MEAK7: variants seen among roughly 807,000 people sequenced by gnomAD.
MEAK7 encodes the protein MTOR associated protein MEAK7, also known as MTOR-associated protein MEAK7.
MEAK7 carries 68 observed loss-of-function variants against 40.5 expected under a neutral mutation model. The observed-to-expected ratio is 1.68, with a 90% CI of 1.38 to 2.06. The LOEUF (loss-of-function observed/expected upper bound fraction) is 2.06. MEAK7 is among the 30% of genes most tolerant of loss of function. The pLI is 0.00. For missense variants in MEAK7, 918 were observed against 580.5 expected, an observed-to-expected ratio of 1.58 and a Z score of -5.98; for synonymous variants, 338 against 231.9, an observed-to-expected ratio of 1.46 and a Z score of -4.16.
rs1484233980 is a variant in MEAK7, at chr16:84,476,521, C to G, written c.*3392G>C. The stretch of plus-strand genomic sequence containing the variant: ...ACAATTCCAATTCTAAGAGTTTATC[C>G]CACAGACACCATCACAGCAAGGCAC... On this transcript the variant is annotated 3_prime_UTR_variant, in exon 8 of 8. Transcript: ENST00000343629. The G allele has an allele frequency of 1.3e-5, 2 of 151,900 alleles. No individual in the cohort carries two copies. Among genetic ancestry groups the G allele is most frequent in the African/African-American group, 4.8e-5 (2 of 41,330 alleles). The allele number at this position is 151,900 out of a possible 1,614,324, so 9.4% of individuals were successfully genotyped here. A position where few individuals can be genotyped will look rare whatever the true frequency, so the allele number is the denominator to read the frequency against.
In MEAK7 at chr16:84,498,192, A is replaced by G; in HGVS notation, c.-25-81T>C. 4 of 1,468,744 alleles carry G rather than the reference A, an allele frequency of 2.7e-6. No individual in the cohort carries two copies. The East Asian group carries it at 6.9e-5, about 25-fold the overall frequency. 91.0% of individuals were successfully genotyped at this position (1,468,744 alleles called of 1,614,324 possible). On this transcript the variant is annotated intron_variant, in intron 1 of 7. Coordinates refer to ENST00000343629, the MANE Select transcript of MEAK7 (RefSeq NM_020947.4). ...ATAAATGTTGAGAATTATATGGTCA[A>G]GTTAATATATACTGATATAGCCACA...
chr16:84,503,342 A>C (rs1335740295), intron 1 of MEAK7, among the ~76,000 whole-genome samples: 1 of 152,156 alleles, frequency 6.6e-6, no homozygotes, highest in African/African-American at 2.4e-5. Context: ...GCCTGCCTTC[A>C]GTAACAAACT....
chr16:84,490,714 C>A (rs1405279154), intron 3 of MEAK7, among the ~76,000 whole-genome samples: 52 of 102,364 alleles, frequency 5.1e-4, no homozygotes, highest in Non-Finnish European at 7.0e-4. Context: ...GGACATAATG[C>A]CTTTTTGTCT....
At chr16:84,493,973 A>G (rs973367472) in intron 3 of MEAK7, among the ~76,000 whole-genome samples, 1 of 152,352 alleles carries the variant, frequency 6.6e-6, no homozygotes, top group East Asian at 1.9e-4. Flanking sequence ...CACCCAAGTC[A>G]CATGGGTATC....
chr16:84,487,300 G>A (rs1345532013), intron 4 of MEAK7: 1 of 499,978 alleles, frequency 2.0e-6, no homozygotes, highest in Non-Finnish European at 3.5e-6. Context: ...TTTCAAAATT[G>A]TATTTAGGAC....
intron 6 of MEAK7, among the ~76,000 whole-genome samples, 160 bp from the exon 7 acceptor site, chr16:84,480,868 C>G (rs928862417): frequency 6.6e-6 from 1 of 152,180 alleles, no homozygotes. Flanking sequence ...TGAAATATAT[C>G]AATTACTGCC....
intron 5 of MEAK7, among the ~76,000 whole-genome samples, chr16:84,485,160 G>T (rs1912923623): frequency 6.6e-6 from 1 of 152,226 alleles, no homozygotes; most frequent in Admixed American, 6.5e-5. Flanking sequence ...TGGGTGTGCA[G>T]AAGAGAGTGG....
chr16:84,483,567 A>C (rs1479570141), intron 5 of MEAK7, among the ~76,000 whole-genome samples: 1 of 152,254 alleles, frequency 6.6e-6, no homozygotes, highest in East Asian at 1.9e-4. Context: ...TGGGGGCACC[A>C]TGATGGAACG....
rs71151220 is a variant in MEAK7, at chr16:84,485,639, T to TATCTATCCATCC, written c.958+991_958+992insGGATGGATAGAT. ...GTAAACATTTCAAAAACTATCTATC[T>TATCTATCCATCC]ATCCATCCATCCATCCATCCATCCA... On this transcript the variant is annotated intron_variant, in intron 5 of 7. Coordinates refer to ENST00000343629, the MANE Select transcript of MEAK7 (RefSeq NM_020947.4). Among the ~76,000 whole-genome samples the TATCTATCCATCC allele has an allele frequency of 6.7e-4, 100 of 149,504 alleles. 2 individuals are homozygous for TATCTATCCATCC. The South Asian group carries it at 7.5e-3, about 11-fold the overall frequency.
rs367860178 is a variant in MEAK7 at position 84,486,875 on chromosome 16, C to G, written c.714G>C (p.Gln238His). 4.3e-6 allele frequency: 7 copies of G among 1,614,076 alleles called. No individual in the cohort carries two copies. The African/African-American group carries it at 5.3e-5, about 12-fold the overall frequency. ...CCAGGATGCTCTCAAAACCCCTGCC[C>G]TGGTCCACTTGACGCTCAGGGACCA... Reference protein sequence around the residue: ...TTLVPERQVDQGRGFESILDV... With the variant: ...TTLVPERQVDHGRGFESILDV... Residue 238 changes from glutamine to histidine, a missense_variant, in exon 5 of 8, where the codon CAG becomes CAC. Transcript: ENST00000343629.
intron 6 of MEAK7, among the ~76,000 whole-genome samples, chr16:84,481,735 C>T (rs572044768): frequency 1.5e-4 from 23 of 152,222 alleles, no homozygotes; most frequent in African/African-American, 5.5e-4. Context: ...AGATGGAGAC[C>T]ATCCTGGCTA....
In MEAK7 at chr16:84,486,748, G is replaced by C; in HGVS notation, c.841C>G (p.Gln281Glu). 2 of 1,614,038 alleles carry C rather than the reference G, an allele frequency of 1.2e-6. No individual in the cohort carries two copies. The highest frequency in any genetic ancestry group is 1.7e-6 in the Non-Finnish European group (2 of 1,179,890). ...CGGTGAGTGATGTGGCCACAGAGCT[G>C]GGAGAAGCTGTGTCCATGGAGCTCA... is the stretch of plus-strand genomic sequence containing the variant. ...SSELHGHSFS[Q>E]LCGHITHRGP... is the part of the protein sequence containing the mutation. The change falls in exon 5 of 8, where the codon CAG becomes GAG. Residue 281 changes from glutamine (Q) to glutamate (E), a missense_variant. Transcript: ENST00000343629.
intron 6 of MEAK7, 53 bp from the exon 7 acceptor site, chr16:84,480,761 G>T: frequency 6.5e-7 from 1 of 1,536,510 alleles, no homozygotes; most frequent in Non-Finnish European, 8.8e-7. Context: ...CAGGGTCTGT[G>T]GACATCAAAT....
intron 3 of MEAK7, among the ~76,000 whole-genome samples, chr16:84,489,748 C>G (rs1426634637): frequency 6.6e-6 from 1 of 152,088 alleles, no homozygotes; most frequent in Non-Finnish European, 1.5e-5. Context: ...CAGGAGCTAC[C>G]CCCTCCAGAA....
At position 84,478,930 on chromosome 16, in the gene MEAK7, T is replaced by C. The variant is rs1357402980; in HGVS notation, c.*983A>G. ...CCACTGATTTATGGAATGGACCATA[T>C]ACGTATTTATCAACCAAGTTCCCAA... On this transcript the variant is annotated 3_prime_UTR_variant, in exon 8 of 8. Transcript: ENST00000343629. 1 of 152,244 alleles carries C rather than the reference T, an allele frequency of 6.6e-6. No homozygotes were observed. Among genetic ancestry groups the C allele is most frequent in the Non-Finnish European group, 1.5e-5 (1 of 68,056 alleles). 9.4% of individuals were successfully genotyped at this position (152,244 alleles called of 1,614,324 possible).
intron 6 of MEAK7, among the ~76,000 whole-genome samples, chr16:84,481,037 AG>A (rs1430118124): frequency 1.4e-5 from 2 of 140,210 alleles, no homozygotes; most frequent in Non-Finnish European, 3.2e-5. Context: ...TCCAGGGCCC[AG>A]GGCCCCGCCC....
chr16:84,483,128 G>A (rs944924670), intron 5 of MEAK7, among the ~76,000 whole-genome samples: 2 of 152,224 alleles, frequency 1.3e-5, no homozygotes, highest in Admixed American at 6.5e-5. Flanking sequence ...GCTGCGTAGT[G>A]CTGACCCCGG....
chr16:84,480,595 A>T lies in MEAK7; in HGVS notation c.1191T>A (p.Ala397=), dbSNP rs912434636. Residue 397 remains alanine, a synonymous_variant, in exon 7 of 8, where the codon GCT becomes GCA. Coordinates refer to ENST00000343629, the MANE Select transcript of MEAK7 (RefSeq NM_020947.4). ...TCTTATCAAACTGGAAGTTCTCCTG[A>T]GCCGACAGCTGCGGGCTGTTGTACG... ...CTTYNSPQLS[A]QENFQFDKME... is the part of the protein sequence containing the mutation. 58 of 1,613,942 alleles carry T rather than the reference A, an allele frequency of 3.6e-5. No homozygotes were observed. Among genetic ancestry groups the T allele is most frequent in the Non-Finnish European group, 4.3e-5 (51 of 1,179,974 alleles).
chr16:84,486,763 C>A lies in MEAK7; in HGVS notation c.826G>T (p.Gly276Ter). ...CCACAGAGCTGGGAGAAGCTGTGTC[C>A]ATGGAGCTCAGACGAAAAGAGCAGG... ...WCLLFSSELH[G>*]HSFSQLCGHI... The change falls in exon 5 of 8, where the codon GGA becomes TGA. Residue 276 changes from glycine to a stop codon, truncating the protein, a stop_gained. Coordinates refer to ENST00000343629, the MANE Select transcript of MEAK7 (RefSeq NM_020947.4). LOFTEE classifies it high-confidence loss of function. The A allele has an allele frequency of 6.2e-7, 1 of 1,614,014 alleles. No homozygotes were observed. Among genetic ancestry groups the A allele is most frequent in the Non-Finnish European group, 8.5e-7 (1 of 1,179,888 alleles).
Sources: allele counts gnomAD v4.1 joint callset (sites outside exome capture counted in the v4.1 genomes callset), GRCh38; gene constraint gnomAD v4.1.1; transcripts MANE v1.5; gene names NCBI Gene and HGNC (gene_info 2026-07-23, HGNC 2026-07-21).